TAF2: variants seen among roughly 807,000 people sequenced by gnomAD.
TAF2 encodes the protein transcription initiation factor TFIID subunit 2.
In TAF2, 61 loss-of-function variants were observed where a neutral mutation model predicts 138.5. The ratio of observed to expected loss-of-function variants is 0.44; its 90% CI spans 0.36 to 0.54. The LOEUF is 0.54. TAF2 is among the 20% of genes least tolerant of loss of function. The pLI is 0.00. For missense variants in TAF2, 1,090 were observed against 1,427.9 expected (o/e 0.76, Z 3.81); for synonymous variants, 475 against 469.9 (o/e 1.01, Z -0.14).
Position 119,781,411 on chromosome 8 carries a change from C to G in TAF2, c.2113-218G>C, listed in dbSNP as rs1471993074. Among the ~76,000 whole-genome samples the G allele has an allele frequency of 7.9e-5, 12 of 152,304 alleles. No homozygotes were observed. In the East Asian group the frequency reaches 2.3e-3, roughly 29 times the overall value. On this transcript the variant is annotated intron_variant, in intron 16 of 25. Coordinates refer to ENST00000378164, the MANE Select transcript of TAF2 (RefSeq NM_003184.4). ...TTCTTTTTCCAGCCAGGCATGGTGG[C>G]TCACACCTGTAATCCCAGCACTTTG...
Position 119,744,286 on chromosome 8 carries a change from A to C in TAF2, c.3214+2T>G. ...TCAATGATTGCAGAATACTAATCTT[A>C]CCTGGAGTTGACGGCCTTTCAAGCA... On this transcript the variant is annotated splice_donor_variant, in intron 24 of 25. Coordinates refer to ENST00000378164, the MANE Select transcript of TAF2 (RefSeq NM_003184.4). LOFTEE classifies it high-confidence loss of function. The C allele has an allele frequency of 6.2e-7, 1 of 1,613,144 alleles. No homozygotes were observed. The highest frequency in any genetic ancestry group is 8.5e-7 in the Non-Finnish European group (1 of 1,179,256).
At chr8:119,773,696 C>A (rs756210101) in intron 18 of TAF2, among the ~76,000 whole-genome samples, 2 of 151,416 alleles carry the variant, frequency 1.3e-5, no homozygotes, top group African/African-American at 4.8e-5. Flanking sequence ...TATATAGATT[C>A]TATAATTGAC....
At chr8:119,828,233 G>C (rs1294618151) in intron 2 of TAF2, among the ~76,000 whole-genome samples, 1 of 152,088 alleles carries the variant, frequency 6.6e-6, no homozygotes, top group African/African-American at 2.4e-5. Context: ...ATGTTGAGAG[G>C]TCCTAGTGCC....
Position 119,832,349 on chromosome 8 carries a change from T to C in TAF2, c.83+133A>G, listed in dbSNP as rs116669389. ...AAACATTTTTACCTTACAAACACCA[T>C]TTCCATCACAGTGAGTAAATTCTAG... On this transcript the variant is annotated intron_variant, in intron 1 of 25. Coordinates refer to ENST00000378164, the MANE Select transcript of TAF2 (RefSeq NM_003184.4). 1.3e-3 allele frequency: 1,050 copies of C among 785,418 alleles called. 8 individuals are homozygous for C. In the African/African-American group the frequency reaches 0.017, roughly 12 times the overall value. The allele number at this position is 785,418 out of a possible 1,614,324, so 48.7% of individuals were successfully genotyped here. A position where few individuals can be genotyped will look rare whatever the true frequency, so the allele number is the denominator to read the frequency against.
intron 18 of TAF2, among the ~76,000 whole-genome samples, chr8:119,769,947 C>T (rs948038168): frequency 1.3e-5 from 2 of 151,664 alleles, no homozygotes; most frequent in African/African-American, 2.4e-5. Context: ...TTAGTAGAGA[C>T]GGGGTATCAC....
intron 14 of TAF2, among the ~76,000 whole-genome samples, chr8:119,785,628 T>C (rs1055714555): frequency 1.3e-5 from 2 of 152,206 alleles, no homozygotes; most frequent in African/African-American, 4.8e-5. Context: ...TGAAATGGGA[T>C]ACGAATAATT....
chr8:119,805,422 A>C (rs1000665256), intron 4 of TAF2, among the ~76,000 whole-genome samples: 3 of 152,054 alleles, frequency 2.0e-5, no homozygotes, highest in Non-Finnish European at 2.9e-5. Context: ...AATATTTTTC[A>C]TGGCCAGGCG....
chr8:119,782,139 C>T (rs755808614), intron 16 of TAF2, among the ~76,000 whole-genome samples: 7 of 152,060 alleles, frequency 4.6e-5, no homozygotes, highest in Non-Finnish European at 1.0e-4. Flanking sequence ...ATATTTTAAC[C>T]TTATGAGACA....
At chr8:119,816,897 A>G (rs1825513348) in intron 3 of TAF2, among the ~76,000 whole-genome samples, 1 of 152,234 alleles carries the variant, frequency 6.6e-6, no homozygotes, top group South Asian at 2.1e-4. Context: ...GAATTTCATT[A>G]GCTACTTTCT....
intron 3 of TAF2, among the ~76,000 whole-genome samples, chr8:119,808,253 T>C (rs1824800262): frequency 6.6e-6 from 1 of 152,240 alleles, no homozygotes; most frequent in South Asian, 2.1e-4. Context: ...TCAGAGCATC[T>C]TCACCAGTAG....
At chr8:119,757,986 T>A in intron 21 of TAF2, 87 bp downstream of exon 21, 1 of 1,112,070 alleles carries the variant, frequency 9.0e-7, no homozygotes, top group Non-Finnish European at 1.4e-6. Flanking sequence ...TCAAAAATCA[T>A]AAACAAGCAT....
chr8:119,794,123 CGCAGTG>C, intron 9 of TAF2, among the ~76,000 whole-genome samples: 1 of 152,112 alleles, frequency 6.6e-6, no homozygotes, highest in East Asian at 1.9e-4. Flanking sequence ...TGAAGACGGG[CGCAGTG>C]GCTCACATCT....
intron 3 of TAF2, among the ~76,000 whole-genome samples, chr8:119,815,893 AAT>A (rs560197412): frequency 2.8e-3 from 430 of 152,358 alleles, no homozygotes; most frequent in African/African-American, 8.7e-3. Context: ...TTACATAACC[AAT>A]ATGTTTTTAA....
intron 5 of TAF2, among the ~76,000 whole-genome samples, chr8:119,802,479 G>A (rs1394722616): frequency 6.6e-6 from 1 of 152,162 alleles, no homozygotes; most frequent in African/African-American, 2.4e-5. Flanking sequence ...AATTCAAACT[G>A]AGTGCTGGTT....
chr8:119,807,205 G>A (rs1046830696), intron 3 of TAF2, among the ~76,000 whole-genome samples: 1 of 152,214 alleles, frequency 6.6e-6, no homozygotes, highest in Non-Finnish European at 1.5e-5. Flanking sequence ...GCTTAATGAA[G>A]CAGAGAATTT....
chr8:119,831,778 T>A, intron 1 of TAF2, 47 bp from the exon 2 acceptor site: 3 of 1,254,570 alleles, frequency 2.4e-6, no homozygotes, highest in Non-Finnish European at 3.3e-6. Flanking sequence ...ATAATTTTTA[T>A]TATTAAATCA....
intron 6 of TAF2, among the ~76,000 whole-genome samples, chr8:119,799,127 C>G (rs1479096837): frequency 3.4e-5 from 5 of 148,964 alleles, no homozygotes; most frequent in Admixed American, 6.6e-5. Flanking sequence ...AAAATCGGTA[C>G]TAATCAAACA....
intron 3 of TAF2, among the ~76,000 whole-genome samples, chr8:119,811,737 C>T (rs1428891963): frequency 1.5e-5 from 2 of 136,184 alleles, no homozygotes; most frequent in Non-Finnish European, 3.1e-5. Context: ...ACCCAAGAGG[C>T]GGAGCTTGCA....
intron 3 of TAF2, among the ~76,000 whole-genome samples, chr8:119,810,424 T>C (rs1824972371): frequency 6.6e-6 from 1 of 152,206 alleles, no homozygotes; most frequent in South Asian, 2.1e-4. Flanking sequence ...ATTTTCAGCT[T>C]TGGAAGTGTG....
Sources: allele counts gnomAD v4.1 joint callset (sites outside exome capture counted in the v4.1 genomes callset), GRCh38; gene constraint gnomAD v4.1.1; transcripts MANE v1.5; gene names NCBI Gene and HGNC (gene_info 2026-07-23, HGNC 2026-07-21).